AGBL1: variants seen among roughly 807,000 people sequenced by gnomAD.
AGBL1 encodes the protein cytosolic carboxypeptidase 4.
Under a neutral mutation model 118.9 loss-of-function variants are expected in AGBL1, and 130 were observed. The ratio of observed to expected loss-of-function variants is 1.09; its 90% CI spans 0.95 to 1.26. The LOEUF is 1.26. Among genes scored for constraint, AGBL1 ranks in the 50% most tolerant of loss-of-function variants. The pLI, the probability that AGBL1 is intolerant of heterozygous loss-of-function variation, is 0.00. For synonymous variants in AGBL1, 555 were observed against 478.9 expected, an observed-to-expected ratio of 1.16 and a Z score of -2.08; for missense variants, 1,584 against 1,298.1, an observed-to-expected ratio of 1.22 and a Z score of -3.38.
intron 22 of AGBL1, among the ~76,000 whole-genome samples, chr15:86,760,435 A>G (rs1465132774): frequency 2.6e-5 from 4 of 152,086 alleles, no homozygotes; most frequent in African/African-American, 4.8e-5. Context: ...CCCCTAGACC[A>G]TTAACATTTC....
chr15:86,237,511 G>A (rs1266120882), intron 6 of AGBL1, among the ~76,000 whole-genome samples: 2 of 152,092 alleles, frequency 1.3e-5, no homozygotes, highest in African/African-American at 4.8e-5. Flanking sequence ...TGTAAATCCT[G>A]GCTTTCTTCT....
intron 22 of AGBL1, among the ~76,000 whole-genome samples, chr15:86,901,492 A>C (rs186233142): frequency 6.6e-6 from 1 of 151,986 alleles, no homozygotes; most frequent in African/African-American, 2.4e-5. Context: ...TTCATTTCCA[A>C]CTTTCTTTTC....
chr15:86,977,749 C>T (rs1301175413), intron 23 of AGBL1, among the ~76,000 whole-genome samples: 1 of 151,890 alleles, frequency 6.6e-6, no homozygotes, highest in Non-Finnish European at 1.5e-5. Context: ...TATGAATTTG[C>T]ATCCTACTTT....
chr15:86,843,607 C>T (rs62032585), intron 22 of AGBL1, among the ~76,000 whole-genome samples: 3 of 152,086 alleles, frequency 2.0e-5, no homozygotes, highest in Non-Finnish European at 2.9e-5. Flanking sequence ...AATAAGGCAA[C>T]GCCGAATGAT....
chr15:86,154,557 C>T lies in AGBL1; in HGVS notation c.390C>T (p.Ser130=), dbSNP rs752649388. ...HCLWALRVFA[S]SVSMGAMLGI... is the part of the protein sequence containing the mutation. ...TCTGGGCTCTGCGTGTGTTTGCCTCCAGTGGTAAGTGACTCTATTGTGGCT... is the reference window on the plus strand; with the variant it reads ...TCTGGGCTCTGCGTGTGTTTGCCTCTAGTGGTAAGTGACTCTATTGTGGCT... Residue 130 remains serine, a synonymous_variant, in exon 4 of 23, where the codon TCC becomes TCT. Transcript: ENST00000614907. 6 of 1,606,950 alleles carry T rather than the reference C, an allele frequency of 3.7e-6. No individual in the cohort carries two copies. Among genetic ancestry groups the T allele is most frequent in the Non-Finnish European group, 4.3e-6 (5 of 1,176,202 alleles).
intron 17 of AGBL1, among the ~76,000 whole-genome samples, chr15:86,334,621 C>T (rs2080329581): frequency 1.3e-5 from 2 of 151,706 alleles, no homozygotes; most frequent in Admixed American, 1.3e-4. Context: ...TCCTATCAAA[C>T]TACTAATGTC....
At chr15:86,919,325 A>G (rs891821600), downstream of AGBL1, among the ~76,000 whole-genome samples, 2 of 152,336 alleles carry the variant, frequency 1.3e-5, no homozygotes, top group Middle Eastern at 3.4e-3. Context: ...GTAGTCTGAC[A>G]TAAGTCAGTG....
rs528165648 is a variant in AGBL1, at chr15:86,641,343, G to T, written c.2995-32930G>T. ...CAAAACAATATACAAATAACGTATA[G>T]AATATATGTGCGCTGTTTAAAGAAT... On this transcript the variant is annotated intron_variant, in intron 21 of 22. Coordinates refer to ENST00000614907, the MANE Select transcript of AGBL1 (RefSeq NM_001386094.1). Among the ~76,000 whole-genome samples the T allele has an allele frequency of 1.1e-4, 16 of 151,744 alleles. No homozygotes were observed. In the South Asian group the frequency reaches 3.3e-3, roughly 31 times the overall value.
Position 86,827,938 on chromosome 15 carries a change from C to CTTTTTTTTTTTTTTTT in AGBL1, c.3159-79144_3159-79129dup, listed in dbSNP as rs71144074. Reference sequence around the variant, plus strand: ...ATAGTCTCTGGCACTTGATGTAGGGCTTTTTTTTTTTTTTTTTTTTGAGAC... The same window carrying CTTTTTTTTTTTTTTTT: ...ATAGTCTCTGGCACTTGATGTAGGGCTTTTTTTTTTTTTTTTTTTTTTTTTTTTTTTTTTTTGAGAC... On this transcript the variant is annotated intron_variant, in intron 22 of 22. Coordinates refer to ENST00000614907, the MANE Select transcript of AGBL1 (RefSeq NM_001386094.1). Among the ~76,000 whole-genome samples, 17 of 16,762 alleles carry CTTTTTTTTTTTTTTTT rather than the reference C, an allele frequency of 1.0e-3. 1 individual carries two copies. The highest frequency in any genetic ancestry group is 1.3e-3 in the Non-Finnish European group (11 of 8,582). 11.0% of individuals were successfully genotyped at this position (16,762 alleles called of 152,430 possible).
rs527982183 is a variant in AGBL1 at position 86,565,106 on chromosome 15, C to A, written c.2994+10569C>A. Among the ~76,000 whole-genome samples the A allele has an allele frequency of 5.3e-5, 8 of 152,280 alleles. No homozygotes were observed. The South Asian group carries it at 1.7e-3, about 32-fold the overall frequency. ...CTCCTTTAGCTCGGAGAAGTTTGAT[C>A]GTCTGAAGCCTTCTTCTCTCAAATC... On this transcript the variant is annotated intron_variant, in intron 21 of 22. Transcript: ENST00000614907.
At chr15:86,427,880 C>A (rs2081886968) in intron 18 of AGBL1, among the ~76,000 whole-genome samples, 1 of 152,186 alleles carries the variant, frequency 6.6e-6, no homozygotes, top group Admixed American at 6.5e-5. Context: ...ACACTGTGAA[C>A]ATGATAGAAG....
chr15:86,199,320 A>G (rs1006078315), intron 5 of AGBL1, among the ~76,000 whole-genome samples: 1 of 152,172 alleles, frequency 6.6e-6, no homozygotes, highest in African/African-American at 2.4e-5. Context: ...CATATTATAT[A>G]TATATCTCCA....
chr15:86,229,001 A>C (rs1197876554), intron 6 of AGBL1, among the ~76,000 whole-genome samples: 3 of 152,046 alleles, frequency 2.0e-5, no homozygotes, highest in Non-Finnish European at 4.4e-5. Flanking sequence ...CTCCACTCTC[A>C]CATGCACAAA....
intron 18 of AGBL1, among the ~76,000 whole-genome samples, chr15:86,499,243 A>G (rs1251465439): frequency 1.3e-5 from 2 of 151,940 alleles, no homozygotes; most frequent in Admixed American, 6.6e-5. Context: ...AGCAAAGGGA[A>G]TAATGATAAT....
chr15:86,868,465 G>T (rs2079669005), intron 22 of AGBL1, among the ~76,000 whole-genome samples: 1 of 152,208 alleles, frequency 6.6e-6, no homozygotes, highest in Non-Finnish European at 1.5e-5. Flanking sequence ...TTAGTGACTA[G>T]AAATCATGGA....
chr15:86,325,561 A>T (rs2080171127), intron 17 of AGBL1, among the ~76,000 whole-genome samples: 1 of 152,252 alleles, frequency 6.6e-6, no homozygotes, highest in Admixed American at 6.5e-5. Context: ...ATCAGGTTTC[A>T]CACATGGGGA....
At chr15:86,458,938 T>C (rs1192243128) in intron 18 of AGBL1, among the ~76,000 whole-genome samples, 2 of 152,228 alleles carry the variant, frequency 1.3e-5, no homozygotes, top group Non-Finnish European at 2.9e-5. Flanking sequence ...GAATTAATTA[T>C]ATGCTACATG....
intron 22 of AGBL1, among the ~76,000 whole-genome samples, chr15:86,888,141 C>T (rs1244113361): frequency 6.6e-6 from 1 of 152,028 alleles, no homozygotes; most frequent in African/African-American, 2.4e-5. Flanking sequence ...ACTTCAGTCC[C>T]TGGGACCAGC....
In AGBL1 at chr15:86,279,639, A is replaced by C. The variant is rs1265723762; in HGVS notation, c.2076A>C (p.Lys692Asn). The change falls in exon 16 of 23, where the codon AAA becomes AAC. Residue 692 changes from lysine to asparagine, a missense_variant and splice_region_variant. By Grantham distance (94) the Lys-to-Asn change is moderately conservative. Transcript: ENST00000614907. ...TTCTCTTCTCCTCCTCTCTCTTTAG[A>C]AATCATTATCGCCAGAGTACAGCTG... ...IRTGHEICYY[K>N]NHYRQSTAVA... 1 of 1,613,084 alleles carries C rather than the reference A, an allele frequency of 6.2e-7. No homozygotes were observed. Among genetic ancestry groups the C allele is most frequent in the Admixed American group, 1.7e-5 (1 of 59,946 alleles).
Sources: gnomAD v4.1 joint callset for allele counts (sites outside exome capture counted in the v4.1 genomes callset) on GRCh38, gnomAD v4.1.1 for gene constraint, MANE v1.5 for transcripts, NCBI Gene and HGNC (gene_info 2026-07-23, HGNC 2026-07-21) for gene names.